The following LGSN variants were observed in gnomAD, a reference collection of about 807,000 sequenced individuals.
LGSN encodes the protein lengsin.
LGSN carries 21 observed loss-of-function variants against 19.5 expected under a neutral mutation model. That is an observed-to-expected ratio of 1.07 (90% CI 0.76 to 1.55). LGSN has a LOEUF of 1.55. Among genes scored for constraint, LGSN ranks in the 40% most tolerant of loss-of-function variants. The pLI, the probability that LGSN is intolerant of heterozygous loss-of-function variation, is 0.00. For synonymous variants in LGSN, 257 were observed against 215.6 expected, an observed-to-expected ratio of 1.19 and a Z score of -1.68; for missense variants, 673 against 608.5, an observed-to-expected ratio of 1.11 and a Z score of -1.12.
the LGSN span, among the ~76,000 whole-genome samples, chr6:63,361,590 C>T: frequency 3.9e-5 from 6 of 152,152 alleles, no homozygotes; most frequent in Admixed American, 2.6e-4. Flanking sequence ...AATTCCCTGA[C>T]CCCTTGAGCT....
the LGSN span, among the ~76,000 whole-genome samples, chr6:63,545,397 G>T: frequency 6.6e-6 from 1 of 152,030 alleles, no homozygotes; most frequent in Admixed American, 6.6e-5. Flanking sequence ...ATCACCTGAG[G>T]TCAGGAGCTT....
At chr6:63,285,459 A>C in intron 3 of LGSN, 128 bp downstream of exon 3, 1 of 765,454 alleles carries the variant, frequency 1.3e-6, no homozygotes, top group South Asian at 2.2e-5. Context: ...GGGAAGAAAC[A>C]AAATAAGTTA....
the LGSN span, among the ~76,000 whole-genome samples, chr6:63,559,658 T>A: frequency 2.0e-5 from 3 of 151,784 alleles, no homozygotes; most frequent in Admixed American, 6.6e-5. Flanking sequence ...GGCAGGAGAA[T>A]CACTGGAACC....
Position 63,277,616 on chromosome 6 carries a change from A to G in LGSN, c.*2405T>C, listed in dbSNP as rs1402610508. The G allele has an allele frequency of 1.3e-5, 2 of 152,082 alleles. No homozygotes were observed. Among genetic ancestry groups the G allele is most frequent in the Admixed American group, 1.3e-4 (2 of 15,252 alleles). 9.4% of individuals were successfully genotyped at this position (152,082 alleles called of 1,614,324 possible). On this transcript the variant is annotated 3_prime_UTR_variant, in exon 4 of 4. Transcript: ENST00000370657. ...TCAGGTAAACATCTGGATGTAGGCA[A>G]GTCAAACTGCTCTACAAAGCAGAGA...
chr6:63,298,810 G>C (rs1242458821), intron 1 of LGSN, among the ~76,000 whole-genome samples: 1 of 152,106 alleles, frequency 6.6e-6, no homozygotes, highest in African/African-American at 2.4e-5. Flanking sequence ...CCCAAATTAG[G>C]CATATCCAGG....
At chr6:63,340,666 T>C in the LGSN span, among the ~76,000 whole-genome samples, 1 of 151,978 alleles carries the variant, frequency 6.6e-6, no homozygotes. Flanking sequence ...ATTCATATCA[T>C]GAATTGTTTT....
At chr6:63,348,929 CAAAGGGGA>C in the LGSN span, among the ~76,000 whole-genome samples, 1 of 151,904 alleles carries the variant, frequency 6.6e-6, no homozygotes, top group Non-Finnish European at 1.5e-5. Context: ...TAAAGGCTTT[CAAAGGGGA>C]ACAAGTTAAT....
chr6:63,346,119 G>T, the LGSN span, among the ~76,000 whole-genome samples: 1 of 151,990 alleles, frequency 6.6e-6, no homozygotes, highest in Admixed American at 6.6e-5. Flanking sequence ...GAGCAATAGG[G>T]GTGCTAGGTG....
the LGSN span, among the ~76,000 whole-genome samples, chr6:63,449,530 C>G: frequency 6.8e-6 from 1 of 147,622 alleles, no homozygotes; most frequent in East Asian, 2.0e-4. Flanking sequence ...GGCAACAGAG[C>G]GAGACTCCGT....
chr6:63,315,605 T>C (rs981947348), intron 1 of LGSN, among the ~76,000 whole-genome samples: 9 of 77,094 alleles, frequency 1.2e-4, no homozygotes, highest in African/African-American at 3.4e-4. Flanking sequence ...TAAAATGTTC[T>C]CTCTCTCTCT....
chr6:63,319,598 A>G (rs1476857940), intron 1 of LGSN, among the ~76,000 whole-genome samples: 2 of 151,788 alleles, frequency 1.3e-5, no homozygotes, highest in African/African-American at 4.9e-5. Context: ...TATTCTCTCA[A>G]TAACAACCAA....
At chr6:63,456,391 A>ATATATATATATATATATG in the LGSN span, among the ~76,000 whole-genome samples, 1 of 110,446 alleles carries the variant, frequency 9.1e-6, no homozygotes, top group Non-Finnish European at 1.7e-5. Flanking sequence ...ATATATATAT[A>ATATATATATATATATATG]TACTTTTTTT....
chr6:63,335,038 G>A, the LGSN span, among the ~76,000 whole-genome samples: 1 of 151,556 alleles, frequency 6.6e-6, no homozygotes, highest in Non-Finnish European at 1.5e-5. Flanking sequence ...AGATATTCAG[G>A]AGGCTGAGGC....
the LGSN span, among the ~76,000 whole-genome samples, chr6:63,548,287 T>C: frequency 6.6e-6 from 1 of 152,254 alleles, no homozygotes; most frequent in Non-Finnish European, 1.5e-5. Context: ...ATAACTTTTC[T>C]GTACCTCAGT....
At chr6:63,549,811 G>C in the LGSN span, among the ~76,000 whole-genome samples, 3 of 152,090 alleles carry the variant, frequency 2.0e-5, no homozygotes, top group Non-Finnish European at 4.4e-5. Context: ...GGCTTGGAAG[G>C]GTAGAGGGAA....
chr6:63,557,976 G>A, the LGSN span, among the ~76,000 whole-genome samples: 21 of 151,130 alleles, frequency 1.4e-4, no homozygotes, highest in African/African-American at 2.7e-4. Flanking sequence ...TGCAACCTCC[G>A]CCTCCTGGGT....
chr6:63,534,781 C>CTAAAGAATTGCTTTAGTAAAGAATTTCA, the LGSN span, among the ~76,000 whole-genome samples: 1 of 137,748 alleles, frequency 7.3e-6, no homozygotes, highest in African/African-American at 2.9e-5. Flanking sequence ...AATTTCTTTA[C>CTAAAGAATTGCTTTAGTAAAGAATTTCA]TAAAGAATTT....
the LGSN span, among the ~76,000 whole-genome samples, chr6:63,555,605 C>G: frequency 6.6e-6 from 1 of 151,516 alleles, no homozygotes. Context: ...CATGACATAT[C>G]AGCTTTGTAT....
At chr6:63,568,790 ATAAACT>A in the LGSN span, among the ~76,000 whole-genome samples, 1 of 152,244 alleles carries the variant, frequency 6.6e-6, no homozygotes, top group African/African-American at 2.4e-5. Context: ...CAAGAGGGAA[ATAAACT>A]TTAACAATGC....
Sources: allele counts gnomAD v4.1 joint callset (sites outside exome capture counted in the v4.1 genomes callset), GRCh38; gene constraint gnomAD v4.1.1; transcripts MANE v1.5; gene names NCBI Gene and HGNC (gene_info 2026-07-23, HGNC 2026-07-21).